Variants in RANBP2 observed in about 807,000 individuals in gnomAD.
The protein encoded by RANBP2 is RAN binding protein 2.
RANBP2 carries 57 observed loss-of-function variants against 303.6 expected under a neutral mutation model. The observed-to-expected ratio is 0.19, with a 90% confidence interval of 0.15 to 0.23. RANBP2 has a LOEUF of 0.23. RANBP2 is among the 10% of genes least tolerant of loss of function. RANBP2 has a pLI of 1.00. For synonymous variants in RANBP2, 1,167 were observed against 1,301.5 expected (o/e 0.90, Z 2.23); for missense variants, 3,138 against 3,780.8 (o/e 0.83, Z 4.46).
chr2:109,453,235 T>G, the RANBP2 span, among the ~76,000 whole-genome samples: 1 of 152,192 alleles, frequency 6.6e-6, no homozygotes, highest in African/African-American at 2.4e-5. Flanking sequence ...CTCCCAGGTC[T>G]CTTCCTGCCC....
At chr2:109,429,802 G>T in the RANBP2 span, among the ~76,000 whole-genome samples, 1 of 152,218 alleles carries the variant, frequency 6.6e-6, no homozygotes, top group African/African-American at 2.4e-5. Context: ...GAGGAAGCAC[G>T]TTGCACAGGG....
At chr2:108,939,060 G>C in the RANBP2 span, among the ~76,000 whole-genome samples, 1 of 152,036 alleles carries the variant, frequency 6.6e-6, no homozygotes, top group African/African-American at 2.4e-5. Context: ...TTACAGGCAT[G>C]AGCCACCGTG....
chr2:108,791,278 C>T, the RANBP2 span, among the ~76,000 whole-genome samples: 2 of 152,268 alleles, frequency 1.3e-5, no homozygotes, highest in African/African-American at 4.8e-5. Flanking sequence ...TCTAGTTCTG[C>T]TCCACTTTCT....
At chr2:109,532,480 G>A in the RANBP2 span, among the ~76,000 whole-genome samples, 4 of 152,138 alleles carry the variant, frequency 2.6e-5, no homozygotes, top group African/African-American at 4.8e-5. Context: ...AGCCCTGTGC[G>A]TGGGTGCCCC....
the RANBP2 span, among the ~76,000 whole-genome samples, chr2:108,803,741 T>C: frequency 6.6e-6 from 1 of 152,220 alleles, no homozygotes; most frequent in Non-Finnish European, 1.5e-5. Context: ...CATCACAATG[T>C]CCTCCCCTTT....
At chr2:109,540,621 T>TTA in the RANBP2 span, among the ~76,000 whole-genome samples, 9,637 of 151,472 alleles carry the variant, frequency 0.064, 721 homozygotes, top group East Asian at 0.24. Context: ...GGCCAGGAGT[T>TTA]TGAGACCAGC....
chr2:109,500,151 A>C, the RANBP2 span, among the ~76,000 whole-genome samples: 1 of 152,158 alleles, frequency 6.6e-6, no homozygotes, highest in East Asian at 1.9e-4. Flanking sequence ...AGGCACTTTA[A>C]AGGGGACTGG....
chr2:108,758,400 TTTC>T lies in RANBP2; in HGVS notation c.2467-9_2467-7del. ...AATGTTTAAAATTATTTGATTTTTT[TTTC>T]TTCCAATAGAAAGAAATGCAGGAGT... On this transcript the variant is annotated splice_polypyrimidine_tract_variant and intron_variant, in intron 17 of 28. Coordinates refer to ENST00000283195, the MANE Select transcript of RANBP2 (RefSeq NM_006267.5). The T allele has an allele frequency of 6.2e-7, 1 of 1,611,912 alleles. No individual in the cohort carries two copies. Among genetic ancestry groups the T allele is most frequent in the Non-Finnish European group, 8.5e-7 (1 of 1,179,854 alleles).
At chr2:109,508,237 C>T in the RANBP2 span, among the ~76,000 whole-genome samples, 1 of 152,210 alleles carries the variant, frequency 6.6e-6, no homozygotes, top group Non-Finnish European at 1.5e-5. Flanking sequence ...CCGTGCTGCC[C>T]TCCCTGACTC....
rs2149284929 is a variant in RANBP2, at chr2:108,768,152, G to C, written c.7613G>C (p.Ser2538Thr). ...TCAAAACCATTTGCATTCGGCAACA[G>C]TTCAGCCACTGGGTCTTTGTTTGGA... ...EKSKPFAFGN[S>T]SATGSLFGFS... Residue 2538 changes from serine (S) to threonine (T), a missense_variant, in exon 20 of 29, where the codon AGT becomes ACT. Ser to Thr is a moderately conservative substitution (Grantham distance 58). Around this residue, in one of 20 missense-constraint regions of RANBP2, gnomAD observed 497 missense variants for 465.8 expected, o/e 1.07. Coordinates refer to ENST00000283195, the MANE Select transcript of RANBP2 (RefSeq NM_006267.5). The C allele has an allele frequency of 6.2e-7, 1 of 1,612,070 alleles. No homozygotes were observed. Among genetic ancestry groups the C allele is most frequent in the Non-Finnish European group, 8.5e-7 (1 of 1,179,872 alleles).
At chr2:108,885,789 G>C in the RANBP2 span, among the ~76,000 whole-genome samples, 2 of 152,020 alleles carry the variant, frequency 1.3e-5, no homozygotes, top group African/African-American at 4.8e-5. Flanking sequence ...CCAGTCTCTG[G>C]TATCTGTCTT....
At chr2:109,315,131 A>G in the RANBP2 span, among the ~76,000 whole-genome samples, 1 of 152,190 alleles carries the variant, frequency 6.6e-6, no homozygotes, top group South Asian at 2.1e-4. Context: ...GAAAAAGGAA[A>G]CCTGTTTTAC....
chr2:108,725,642 C>G (rs992405217), intron 1 of RANBP2, among the ~76,000 whole-genome samples: 2 of 152,156 alleles, frequency 1.3e-5, no homozygotes, highest in African/African-American at 4.8e-5. Flanking sequence ...CGCCTGTAGT[C>G]CCAGCTTGTA....
At chr2:109,718,613 C>CGG in the RANBP2 span, among the ~76,000 whole-genome samples, 1 of 152,162 alleles carries the variant, frequency 6.6e-6, no homozygotes, top group Non-Finnish European at 1.5e-5. Flanking sequence ...TACCAGGTTT[C>CGG]TTTTTGAAGT....
chr2:109,489,772 C>G, the RANBP2 span, among the ~76,000 whole-genome samples: 1 of 152,092 alleles, frequency 6.6e-6, no homozygotes, highest in Non-Finnish European at 1.5e-5. Context: ...GAGTCTCGCT[C>G]TGTCACCCAG....
At chr2:108,787,789 T>C (rs778783155), downstream of RANBP2, among the ~76,000 whole-genome samples, 1 of 152,132 alleles carries the variant, frequency 6.6e-6, no homozygotes, top group Non-Finnish European at 1.5e-5. Flanking sequence ...GCTTCTTCGT[T>C]AGATTGATTA....
chr2:109,028,050 T>C, the RANBP2 span, among the ~76,000 whole-genome samples: 1 of 152,072 alleles, frequency 6.6e-6, no homozygotes, highest in Non-Finnish European at 1.5e-5. Context: ...CAGGCAGACA[T>C]CTTGAGCCCA....
At position 108,772,582 on chromosome 2, in the gene RANBP2, G is replaced by A. The variant is rs780925459; in HGVS notation, c.8113+1G>A. ...AGACCCTTGGAAGAAAATACAGCAGGTATGTTAAGTGTAAAGGACATTTAT... is the reference window on the plus strand; with the variant it reads ...AGACCCTTGGAAGAAAATACAGCAGATATGTTAAGTGTAAAGGACATTTAT... On this transcript the variant is annotated splice_donor_variant, in intron 22 of 28. Transcript: ENST00000283195. LOFTEE classifies it high-confidence loss of function. The A allele has an allele frequency of 6.2e-7, 1 of 1,610,960 alleles. No homozygotes were observed. Among genetic ancestry groups the A allele is most frequent in the African/African-American group, 1.3e-5 (1 of 74,854 alleles).
At chr2:109,703,638 AGGCT>A in the RANBP2 span, among the ~76,000 whole-genome samples, 1 of 152,186 alleles carries the variant, frequency 6.6e-6, no homozygotes. Flanking sequence ...CATGTTGGTC[AGGCT>A]GGTCTCAAAC....
Sources: allele counts gnomAD v4.1 joint callset (sites outside exome capture counted in the v4.1 genomes callset), GRCh38; gene constraint gnomAD v4.1.1; regional missense constraint gnomAD v4.1.1; transcripts MANE v1.5; gene names NCBI Gene and HGNC (gene_info 2026-07-23, HGNC 2026-07-21).